Variants in HDGFL3 observed in about 807,000 individuals in gnomAD.
The protein encoded by HDGFL3 is HDGF like 3.
Under a neutral mutation model 27.6 loss-of-function variants are expected in HDGFL3, and 6 were observed. The ratio of observed to expected loss-of-function variants is 0.22; its 90% CI spans 0.12 to 0.43. The LOEUF is 0.43. Among genes scored for constraint, HDGFL3 ranks in the 20% least tolerant of loss-of-function variants. The pLI, the probability that HDGFL3 is intolerant of heterozygous loss-of-function variation, is 1.00. For synonymous variants in HDGFL3, 88 were observed against 88.9 expected (o/e 0.99, Z 0.05); for missense variants, 207 against 250.1 (o/e 0.83, Z 1.16).
At position 83,138,261 on chromosome 15, in the gene HDGFL3, G is replaced by A. The variant is rs933509361; in HGVS notation, c.*1009C>T. On this transcript the variant is annotated 3_prime_UTR_variant, in exon 6 of 6. Transcript: ENST00000299633. The stretch of plus-strand genomic sequence containing the variant: ...ACAGTAAACTTTTCAACTACAAACC[G>A]TGAATACGCGAAAGATGTTCCAAGG... 8.5e-5 allele frequency: 13 copies of A among 152,386 alleles called. No individual in the cohort carries two copies. The highest frequency in any genetic ancestry group is 3.1e-4 in the African/African-American group (13 of 41,442). 9.4% of individuals were successfully genotyped at this position (152,386 alleles called of 1,614,324 possible). A position where few individuals can be genotyped will look rare whatever the true frequency, so the allele number is the denominator to read the frequency against.
At chr15:83,123,955 A>G (rs1333385459), downstream of HDGFL3, among the ~76,000 whole-genome samples, 1 of 145,060 alleles carries the variant, frequency 6.9e-6, no homozygotes, top group Non-Finnish European at 1.5e-5. Flanking sequence ...ATCAACCTTA[A>G]TAATTCTGGA....
At chr15:83,151,504 G>T in intron 4 of HDGFL3, 143 bp from the exon 5 acceptor site, 1 of 621,048 alleles carries the variant, frequency 1.6e-6, no homozygotes, top group Non-Finnish European at 2.7e-6. Flanking sequence ...AGTATGCCAA[G>T]GCTGAGCTAG....
At chr15:83,180,391 G>C (rs1015951686) in intron 1 of HDGFL3, among the ~76,000 whole-genome samples, 7 of 152,060 alleles carry the variant, frequency 4.6e-5, no homozygotes, top group African/African-American at 1.7e-4. Flanking sequence ...GACAAAAAAC[G>C]TAGAGAAAAA....
intron 5 of HDGFL3, among the ~76,000 whole-genome samples, chr15:83,144,327 G>A (rs1038212760): frequency 2.0e-5 from 3 of 152,166 alleles, no homozygotes; most frequent in Non-Finnish European, 4.4e-5. Flanking sequence ...AATGATTCCT[G>A]CCTCCGGTAT....
At position 83,180,381 on chromosome 15, in the gene HDGFL3, G is replaced by A. The variant is rs74666913; in HGVS notation, c.85-16306C>T. The stretch of plus-strand genomic sequence containing the variant: ...ATGAGAAGAATTTTTTGGGCTAGCT[G>A]ACAAAAAACGTAGAGAAAAAAACAT... On this transcript the variant is annotated intron_variant, in intron 1 of 5. Transcript: ENST00000299633. Among the ~76,000 whole-genome samples, 30 of 152,084 alleles carry A rather than the reference G, an allele frequency of 2.0e-4. No individual in the cohort carries two copies. The East Asian group carries it at 5.8e-3, about 29-fold the overall frequency.
intron 1 of HDGFL3, among the ~76,000 whole-genome samples, chr15:83,171,554 T>A (rs2037246494): frequency 6.6e-6 from 1 of 152,142 alleles, no homozygotes; most frequent in South Asian, 2.1e-4. Context: ...GAATACTACA[T>A]AGTCATACAA....
At position 83,134,878 on chromosome 15, in the gene HDGFL3, G is replaced by C. The variant is rs1239050050; in HGVS notation, c.*4392C>G. 3 of 152,230 alleles carry C rather than the reference G, an allele frequency of 2.0e-5. No individual in the cohort carries two copies. Among genetic ancestry groups the C allele is most frequent in the Admixed American group, 2.0e-4 (3 of 15,280 alleles). The allele number at this position is 152,230 out of a possible 1,614,324, so 9.4% of individuals were successfully genotyped here. A position where few individuals can be genotyped will look rare whatever the true frequency, so the allele number is the denominator to read the frequency against. On this transcript the variant is annotated 3_prime_UTR_variant, in exon 6 of 6. Coordinates refer to ENST00000299633, the MANE Select transcript of HDGFL3 (RefSeq NM_016073.4). Reference sequence around the variant, plus strand: ...AAAACAGTATGGGAGCCATGCTCCTGCTCAGAGTTCCTAGAATGTCCAGAA... The same window carrying C: ...AAAACAGTATGGGAGCCATGCTCCTCCTCAGAGTTCCTAGAATGTCCAGAA...
chr15:83,178,483 A>G (rs2037340738), intron 1 of HDGFL3, among the ~76,000 whole-genome samples: 1 of 152,130 alleles, frequency 6.6e-6, no homozygotes, highest in Non-Finnish European at 1.5e-5. Context: ...CGGGCAACAC[A>G]GGCAGACCCC....
At chr15:83,185,197 T>C (rs1416574299) in intron 1 of HDGFL3, 1 of 152,288 alleles carries the variant, frequency 6.6e-6, no homozygotes, top group African/African-American at 2.4e-5. Context: ...CTAACTTTTG[T>C]ATTTTTAGTA....
intron 5 of HDGFL3, among the ~76,000 whole-genome samples, chr15:83,143,274 A>G (rs902788638): frequency 3.2e-4 from 48 of 152,128 alleles, no homozygotes; most frequent in African/African-American, 1.1e-3. Flanking sequence ...GGCCTCCCAA[A>G]GTGTTGAGAT....
chr15:83,127,589 T>C, downstream of HDGFL3: 1 of 1,186,384 alleles, frequency 8.4e-7, no homozygotes, highest in Non-Finnish European at 1.2e-6. Flanking sequence ...CTATTAGACA[T>C]GTCACCTTTT....
chr15:83,186,530 C>T (rs577810443), intron 1 of HDGFL3, among the ~76,000 whole-genome samples: 7 of 152,068 alleles, frequency 4.6e-5, no homozygotes, highest in Non-Finnish European at 7.4e-5. Flanking sequence ...AATAGTAATC[C>T]GGTAAATTTA....
intron 1 of HDGFL3, among the ~76,000 whole-genome samples, chr15:83,175,970 G>A (rs1051639859): frequency 5.9e-5 from 9 of 152,246 alleles, no homozygotes; most frequent in African/African-American, 2.2e-4. Context: ...TGTGATTCTG[G>A]TTCTGCACAG....
At chr15:83,199,914 T>C (rs895656009) in intron 1 of HDGFL3, among the ~76,000 whole-genome samples, 5 of 150,608 alleles carry the variant, frequency 3.3e-5, no homozygotes, top group African/African-American at 9.8e-5. Flanking sequence ...GGCATGGTGG[T>C]GGGCACCTGT....
At chr15:83,177,602 T>G (rs2037328505) in intron 1 of HDGFL3, among the ~76,000 whole-genome samples, 1 of 152,236 alleles carries the variant, frequency 6.6e-6, no homozygotes, top group African/African-American at 2.4e-5. Context: ...TTCAAGACCC[T>G]ACACTAACAT....
At chr15:83,160,337 C>T (rs932493122) in intron 2 of HDGFL3, among the ~76,000 whole-genome samples, 3 of 152,062 alleles carry the variant, frequency 2.0e-5, no homozygotes, top group Admixed American at 2.0e-4. Flanking sequence ...TAGGCACATG[C>T]CACCATACCC....
At chr15:83,153,018 G>A (rs930819355) in intron 4 of HDGFL3, among the ~76,000 whole-genome samples, 4 of 142,558 alleles carry the variant, frequency 2.8e-5, no homozygotes, top group African/African-American at 5.2e-5. Flanking sequence ...TTTTTAAGAC[G>A]GAGTCTCGCT....
chr15:83,196,338 G>GA (rs988519172), intron 1 of HDGFL3, among the ~76,000 whole-genome samples: 1 of 151,688 alleles, frequency 6.6e-6, no homozygotes, highest in African/African-American at 2.4e-5. Flanking sequence ...GATCACATAT[G>GA]AAAAGAACAC....
At chr15:83,202,243 C>A (rs774818400) in intron 1 of HDGFL3, among the ~76,000 whole-genome samples, 11 of 152,142 alleles carry the variant, frequency 7.2e-5, no homozygotes, top group Non-Finnish European at 1.6e-4. Flanking sequence ...CTGTGCCTTA[C>A]ATACAGTAGG....
Sources: allele counts gnomAD v4.1 joint callset (sites outside exome capture counted in the v4.1 genomes callset), GRCh38; gene constraint gnomAD v4.1.1; transcripts MANE v1.5; gene names NCBI Gene and HGNC (gene_info 2026-07-23, HGNC 2026-07-21).